SLC13A3: variants seen among roughly 807,000 people sequenced by gnomAD.
SLC13A3 encodes solute carrier family 13 member 3.
A neutral mutation model predicts 59.0 loss-of-function variants in SLC13A3; 40 were observed. The ratio of observed to expected loss-of-function variants is 0.68; its 90% CI spans 0.53 to 0.88. SLC13A3 has a LOEUF of 0.88. SLC13A3 is among the 40% of genes least tolerant of loss of function. SLC13A3 has a pLI of 0.00. For missense variants in SLC13A3, 699 were observed against 783.2 expected (o/e 0.89, Z 1.28); for synonymous variants, 317 against 330.3 (o/e 0.96, Z 0.44).
chr20:46,683,042 G>T (rs536017493), intron 1 of SLC13A3, among the ~76,000 whole-genome samples: 9 of 152,270 alleles, frequency 5.9e-5, no homozygotes, highest in Admixed American at 5.9e-4. Flanking sequence ...GGGGGCATTT[G>T]TGACGTTTCT....
intron 1 of SLC13A3, among the ~76,000 whole-genome samples, chr20:46,635,644 C>A (rs1480984245): frequency 1.2e-4 from 18 of 152,148 alleles, no homozygotes; most frequent in Admixed American, 1.2e-3. Context: ...GCGTTTGAAC[C>A]AGAGTGACTC....
At chr20:46,609,419 C>T (rs775944872) in intron 3 of SLC13A3, among the ~76,000 whole-genome samples, 2 of 152,234 alleles carry the variant, frequency 1.3e-5, no homozygotes, top group African/African-American at 4.8e-5. Flanking sequence ...CAAATCCCTC[C>T]GTTCATAATA....
chr20:46,655,777 AT>A (rs2047830562), upstream of SLC13A3, among the ~76,000 whole-genome samples: 1 of 145,094 alleles, frequency 6.9e-6, no homozygotes, highest in Non-Finnish European at 1.5e-5. Flanking sequence ...AAAATAGTAT[AT>A]ATATGCCTTC....
chr20:46,568,401 CAAAAAAA>C (rs66526539), intron 10 of SLC13A3, among the ~76,000 whole-genome samples: 1,329 of 58,702 alleles, frequency 0.023, 9 homozygotes, highest in African/African-American at 0.055. Flanking sequence ...GACTCCATCT[CAAAAAAA>C]AAAAAAAAAA....
In SLC13A3 at chr20:46,561,107, A is replaced by G. The variant is rs545437562; in HGVS notation, c.1633-909T>C. Among the ~76,000 whole-genome samples the G allele has an allele frequency of 7.2e-5, 11 of 152,256 alleles. No homozygotes were observed. The South Asian group carries it at 2.1e-3, about 29-fold the overall frequency. On this transcript the variant is annotated intron_variant, in intron 12 of 12. Transcript: ENST00000279027. ...CCTCTGCTCACTGAGTTGAATGCATATCTGATTGCCTTCTTTGGAAAGGCT... is the reference window on the plus strand; with the variant it reads ...CCTCTGCTCACTGAGTTGAATGCATGTCTGATTGCCTTCTTTGGAAAGGCT...
At chr20:46,594,951 T>C (rs2017434141) in intron 5 of SLC13A3, among the ~76,000 whole-genome samples, 1 of 152,114 alleles carries the variant, frequency 6.6e-6, no homozygotes, top group South Asian at 2.1e-4. Flanking sequence ...TTACTGAGGG[T>C]TGCACACATA....
chr20:46,675,254 G>A (rs960968150), intron 1 of SLC13A3, among the ~76,000 whole-genome samples: 1 of 151,902 alleles, frequency 6.6e-6, no homozygotes, highest in African/African-American at 2.4e-5. Context: ...TTAGGAGATG[G>A]AGTCTCACTC....
In SLC13A3 at chr20:46,563,565, A is replaced by G; in HGVS notation, c.1495-14T>C. 6.2e-7 allele frequency: 1 copy of G among 1,611,404 alleles called. No individual in the cohort carries two copies. Among genetic ancestry groups the G allele is most frequent in the South Asian group, 1.1e-5 (1 of 90,684 alleles). On this transcript the variant is annotated splice_polypyrimidine_tract_variant and intron_variant, in intron 11 of 12. Transcript: ENST00000279027. Reference sequence around the variant, plus strand: ...CAGGCGGATGGCCTGGGCCAGGAAAAGGTGGGAGAGACCCGGAGAGAGACC... The same window carrying G: ...CAGGCGGATGGCCTGGGCCAGGAAAGGGTGGGAGAGACCCGGAGAGAGACC...
At chr20:46,677,639 C>T (rs1015583229) in intron 1 of SLC13A3, among the ~76,000 whole-genome samples, 1 of 152,090 alleles carries the variant, frequency 6.6e-6, no homozygotes, top group Non-Finnish European at 1.5e-5. Flanking sequence ...TTGGGATGCC[C>T]GTGAGGCCCT....
intron 12 of SLC13A3, among the ~76,000 whole-genome samples, chr20:46,561,794 G>A (rs765603474): frequency 6.6e-6 from 1 of 152,026 alleles, no homozygotes; most frequent in Non-Finnish European, 1.5e-5. Flanking sequence ...TGGCACCTTC[G>A]GAGGATTAGA....
At position 46,683,106 on chromosome 20, in the gene SLC13A3, G is replaced by A. The variant is rs868458911; in HGVS notation, c.-31+1290C>T. On this transcript the variant is annotated intron_variant, in intron 1 of 6. Transcript: ENST00000372121. The stretch of plus-strand genomic sequence containing the variant: ...CTTGATACTTGCAAAGATCATTACT[G>A]CTTCCTGACAGCTGCGGCTACCCCC... 3.3e-5 allele frequency among the ~76,000 whole-genome samples: 5 copies of A among 152,118 alleles called. No individual in the cohort carries two copies. The South Asian group carries it at 1.0e-3, about 32-fold the overall frequency.
At chr20:46,662,422 T>A (rs2063036529) in intron 1 of SLC13A3, among the ~76,000 whole-genome samples, 1 of 152,232 alleles carries the variant, frequency 6.6e-6, no homozygotes. Context: ...GGGTCATTCC[T>A]GCCTACCATG....
At chr20:46,675,109 G>A (rs1451948740), upstream of SLC13A3, among the ~76,000 whole-genome samples, 1 of 152,178 alleles carries the variant, frequency 6.6e-6, no homozygotes, top group East Asian at 1.9e-4. Flanking sequence ...TGGAAGAACA[G>A]CAAGGAGCCC....
intron 1 of SLC13A3, among the ~76,000 whole-genome samples, chr20:46,646,625 C>T (rs2062897181): frequency 6.6e-6 from 1 of 152,162 alleles, no homozygotes; most frequent in South Asian, 2.1e-4. Context: ...AGACACAAAT[C>T]CAGGTTTTCT....
chr20:46,583,445 G>A lies in SLC13A3; in HGVS notation c.1219+127C>T, dbSNP rs375243266. The A allele has an allele frequency of 1.3e-4, 198 of 1,476,982 alleles. 2 individuals are homozygous for A. The East Asian group carries it at 4.4e-3, about 33-fold the overall frequency. 91.5% of individuals were successfully genotyped at this position (1,476,982 alleles called of 1,614,324 possible). On this transcript the variant is annotated intron_variant, in intron 9 of 12. Coordinates refer to ENST00000279027, the MANE Select transcript of SLC13A3 (RefSeq NM_022829.6). ...AGTCCCCAGACAAGGCAATGGCTCA[G>A]ACAGTGAAAGGAGAAGCAGGAAGGA...
At chr20:46,603,990 CAAA>C (rs532575671) in intron 3 of SLC13A3, among the ~76,000 whole-genome samples, 4 of 64,472 alleles carry the variant, frequency 6.2e-5, no homozygotes. Flanking sequence ...GACGCCATCT[CAAA>C]AAAAAAAAAA....
intron 3 of SLC13A3, among the ~76,000 whole-genome samples, chr20:46,600,307 GAA>G (rs1491448895): frequency 4.2e-4 from 35 of 84,012 alleles, no homozygotes; most frequent in Non-Finnish European, 6.4e-4. Flanking sequence ...AAGAAAGAAA[GAA>G]AGAGGGAAGG....
chr20:46,584,922 C>T (rs2062176360), intron 8 of SLC13A3, among the ~76,000 whole-genome samples: 1 of 152,032 alleles, frequency 6.6e-6, no homozygotes, highest in South Asian at 2.1e-4. Flanking sequence ...ATGAAGTACA[C>T]TGCATCTGTT....
intron 10 of SLC13A3, among the ~76,000 whole-genome samples, chr20:46,573,257 A>G (rs893219732): frequency 2.6e-5 from 4 of 152,200 alleles, no homozygotes; most frequent in African/African-American, 9.6e-5. Context: ...AAGGGAGTGC[A>G]GTCGGCTGTC....
Sources: gnomAD v4.1 joint callset for allele counts (sites outside exome capture counted in the v4.1 genomes callset) on GRCh38, gnomAD v4.1.1 for gene constraint, MANE v1.5 for transcripts, NCBI Gene and HGNC (gene_info 2026-07-23, HGNC 2026-07-21) for gene names.